Variants in ANO3 observed in about 807,000 individuals in gnomAD.
ANO3 encodes anoctamin-3.
In ANO3, 99 loss-of-function variants were observed where a neutral mutation model predicts 144.8. The observed-to-expected ratio is 0.68, with a 90% confidence interval of 0.58 to 0.81. The LOEUF (loss-of-function observed/expected upper bound fraction) is 0.81. Among genes scored for constraint, ANO3 ranks in the 30% least tolerant of loss-of-function variants. The pLI is 0.00. For synonymous variants in ANO3, 414 were observed against 392.6 expected (o/e 1.05, Z -0.64); for missense variants, 905 against 1,202.2 (o/e 0.75, Z 3.66).
At chr11:26,327,331 C>T (rs1316833348), upstream of ANO3, among the ~76,000 whole-genome samples, 5 of 152,220 alleles carry the variant, frequency 3.3e-5, no homozygotes, top group South Asian at 8.3e-4. Flanking sequence ...ATGGTAGAAA[C>T]ATTATGAAAA....
intron 3 of ANO3, among the ~76,000 whole-genome samples, chr11:26,450,555 T>C (rs192339785): frequency 2.0e-5 from 3 of 152,206 alleles, no homozygotes; most frequent in Admixed American, 2.0e-4. Flanking sequence ...GGATAATTTT[T>C]AAAATCATGA....
intron 11 of ANO3, among the ~76,000 whole-genome samples, chr11:26,543,004 A>T (rs1299236079): frequency 1.3e-5 from 2 of 152,122 alleles, no homozygotes; most frequent in African/African-American, 4.8e-5. Flanking sequence ...TAATAAAAGA[A>T]CTATATACAG....
intron 1 of ANO3, among the ~76,000 whole-genome samples, chr11:26,257,470 C>T (rs1159327352): frequency 2.0e-5 from 3 of 152,100 alleles, no homozygotes; most frequent in Admixed American, 1.3e-4. Flanking sequence ...TGGTTCAGTT[C>T]TTTCACTAAT....
intron 1 of ANO3, among the ~76,000 whole-genome samples, chr11:26,311,492 G>T (rs1333670926): frequency 1.3e-5 from 2 of 152,190 alleles, no homozygotes; most frequent in Non-Finnish European, 2.9e-5. Context: ...GATTAGAATT[G>T]TTAGAAAGCA....
At chr11:26,382,098 A>G (rs1363851551) in intron 1 of ANO3, among the ~76,000 whole-genome samples, 1 of 152,126 alleles carries the variant, frequency 6.6e-6, no homozygotes, top group South Asian at 2.1e-4. Context: ...AAATCTATCT[A>G]TTAATAAATA....
intron 14 of ANO3, among the ~76,000 whole-genome samples, chr11:26,570,198 A>G (rs1022838270): frequency 6.6e-6 from 1 of 151,842 alleles, no homozygotes; most frequent in African/African-American, 2.4e-5. Context: ...TTTTAGAACA[A>G]CTCCTCTACA....
upstream of ANO3, among the ~76,000 whole-genome samples, chr11:26,328,656 A>G (rs1426088731): frequency 6.6e-6 from 1 of 152,184 alleles, no homozygotes; most frequent in East Asian, 1.9e-4. Flanking sequence ...TTAATTACTT[A>G]AGGAGGACAG....
intron 1 of ANO3, among the ~76,000 whole-genome samples, chr11:26,227,767 G>A (rs1852286090): frequency 1.3e-5 from 2 of 152,074 alleles, no homozygotes. Context: ...TCTCAGCATA[G>A]CAGTTCAGAC....
Position 26,428,727 on chromosome 11 carries a change from T to TTG in ANO3, c.47-13165_47-13164dup, listed in dbSNP as rs66649719. Among the ~76,000 whole-genome samples the TTG allele has an allele frequency of 1.1e-3, 161 of 151,110 alleles. 1 individual carries two copies. Among genetic ancestry groups the TTG allele is most frequent in the African/African-American group, 3.7e-3 (151 of 41,104 alleles). ...AGAAACAATTTGTTCCTTGTAGAAT[T>TTG]TGTGTGTGTGTGTGTGTGTGTGTGT... On this transcript the variant is annotated intron_variant, in intron 1 of 26. Coordinates refer to ENST00000256737, the MANE Select transcript of ANO3 (RefSeq NM_031418.4).
intron 1 of ANO3, among the ~76,000 whole-genome samples, chr11:26,441,118 T>G (rs992750331): frequency 1.0e-3 from 121 of 120,820 alleles, no homozygotes; most frequent in African/African-American, 3.0e-3. Flanking sequence ...TTTTTTTTTT[T>G]TTTTTTTTTT....
chr11:26,541,907 A>G, intron 10 of ANO3, 40 bp from the exon 11 acceptor site: 3 of 1,574,962 alleles, frequency 1.9e-6, no homozygotes, highest in Non-Finnish European at 2.6e-6. Context: ...AAATTTCACT[A>G]AAAAATAGAA....
chr11:26,278,815 G>T (rs1853615410), intron 1 of ANO3, among the ~76,000 whole-genome samples: 1 of 151,994 alleles, frequency 6.6e-6, no homozygotes, highest in African/African-American at 2.4e-5. Context: ...TTGAAATTTT[G>T]TCTCAGTCTT....
At chr11:26,202,281 T>G (rs999733919) in intron 1 of ANO3, among the ~76,000 whole-genome samples, 4 of 145,646 alleles carry the variant, frequency 2.7e-5, no homozygotes, top group African/African-American at 1.0e-4. Flanking sequence ...ATAATATATA[T>G]TATATATAAT....
intron 1 of ANO3, among the ~76,000 whole-genome samples, chr11:26,245,016 T>TGA (rs560456542): frequency 9.5e-6 from 1 of 104,994 alleles, no homozygotes; most frequent in East Asian, 2.4e-4. Context: ...TGTGTGTGTG[T>TGA]GTGTGCATGC....
intron 10 of ANO3, among the ~76,000 whole-genome samples, chr11:26,539,795 C>G (rs1849600146): frequency 6.6e-6 from 1 of 152,144 alleles, no homozygotes; most frequent in African/African-American, 2.4e-5. Context: ...TTCCATGTGC[C>G]AGGCACTTTA....
At chr11:26,342,645 C>T (rs182417286) in intron 1 of ANO3, among the ~76,000 whole-genome samples, 2 of 152,088 alleles carry the variant, frequency 1.3e-5, no homozygotes, top group Non-Finnish European at 2.9e-5. Flanking sequence ...GCTATAGCTG[C>T]ACAAATAGAC....
chr11:26,353,629 C>T (rs1189520961), intron 1 of ANO3, among the ~76,000 whole-genome samples: 1 of 152,152 alleles, frequency 6.6e-6, no homozygotes, highest in Non-Finnish European at 1.5e-5. Flanking sequence ...AGTGCAGTGG[C>T]GCGATCTTGG....
Position 26,297,184 on chromosome 11 carries a change from C to CGTGTGTGTGTGTGT in ANO3, c.155-12447_155-12434dup, listed in dbSNP as rs377447870. 3.8e-3 allele frequency among the ~76,000 whole-genome samples: 555 copies of CGTGTGTGTGTGTGT among 146,412 alleles called. 9 individuals carry two copies. The highest frequency in any genetic ancestry group is 0.014 in the Middle Eastern group (4 of 282). Reference sequence around the variant, plus strand: ...ACATCCCAAGCTGCATCAACCATTGCGTGTGTGTGTGTGTGTGTGTGTGTG... The same window carrying CGTGTGTGTGTGTGT: ...ACATCCCAAGCTGCATCAACCATTGCGTGTGTGTGTGTGTGTGTGTGTGTGTGTGTGTGTGTGTG... On this transcript the variant is annotated intron_variant, in intron 1 of 27. Coordinates refer to the ANO3 transcript ENST00000672621.
intron 4 of ANO3, among the ~76,000 whole-genome samples, chr11:26,479,235 T>G (rs527400963): frequency 1.6e-4 from 25 of 152,296 alleles, no homozygotes; most frequent in Non-Finnish European, 2.1e-4. Context: ...GGAGAGGCTA[T>G]GATTGGTTCA....
Sources: gnomAD v4.1 joint callset for allele counts (sites outside exome capture counted in the v4.1 genomes callset) on GRCh38, gnomAD v4.1.1 for gene constraint, MANE v1.5 for transcripts, NCBI Gene and HGNC (gene_info 2026-07-23, HGNC 2026-07-21) for gene names.